TG: variants seen among roughly 807,000 people sequenced by gnomAD.
The protein encoded by TG is thyroid hormones.
In TG, 270 loss-of-function variants were observed where a neutral mutation model predicts 324.7. The ratio of observed to expected loss-of-function variants is 0.83; its 90% CI spans 0.75 to 0.92. The LOEUF is 0.92. TG is among the 40% of genes least tolerant of loss of function. The pLI is 0.00. For missense variants in TG, 3,591 were observed against 3,456.4 expected, an observed-to-expected ratio of 1.04 and a Z score of -0.98; for synonymous variants, 1,401 against 1,327.0, an observed-to-expected ratio of 1.06 and a Z score of -1.21.
rs1380031461 is a variant in TG at position 132,900,255 on chromosome 8, C to T, written c.3349C>T (p.Leu1117=). ...GTCTCAGACAGGAGAGTATGCCAGGCTGCAGGCATCGGGGGCTGGCACCTG... is the reference window on the plus strand; with the variant it reads ...GTCTCAGACAGGAGAGTATGCCAGGTTGCAGGCATCGGGGGCTGGCACCTG... ...ACLETGEYAR[L]QASGAGTWCV... Residue 1117 remains leucine (L), a synonymous_variant, in exon 15 of 48, where the codon CTG becomes TTG. Coordinates refer to ENST00000220616, the MANE Select transcript of TG (RefSeq NM_003235.5). The T allele has an allele frequency of 3.1e-6, 5 of 1,614,026 alleles. No homozygotes were observed. Among genetic ancestry groups the T allele is most frequent in the Non-Finnish European group, 4.2e-6 (5 of 1,179,994 alleles).
chr8:132,919,152 C>G (rs1820780043), intron 20 of TG, among the ~76,000 whole-genome samples: 1 of 152,218 alleles, frequency 6.6e-6, no homozygotes, highest in East Asian at 1.9e-4. Context: ...CCTCTCATCT[C>G]CTACAAGCAT....
chr8:133,028,169 G>T lies in TG; in HGVS notation c.7037-1652G>T, dbSNP rs139652590. On this transcript the variant is annotated intron_variant, in intron 40 of 47. Coordinates refer to ENST00000220616, the MANE Select transcript of TG (RefSeq NM_003235.5). The stretch of plus-strand genomic sequence containing the variant: ...ACATTTCCTCTCCTCCTTGTCCCTG[G>T]TATACAGGCTGTGGACGTCACTTTT... 3.7e-3 allele frequency among the ~76,000 whole-genome samples: 557 copies of T among 152,320 alleles called. 7 individuals are homozygous for T. Among genetic ancestry groups the T allele is most frequent in the African/African-American group, 0.013 (532 of 41,566 alleles).
intron 41 of TG, among the ~76,000 whole-genome samples, chr8:133,064,331 C>T (rs1842784051): frequency 6.6e-6 from 1 of 152,238 alleles, no homozygotes; most frequent in Non-Finnish European, 1.5e-5. Context: ...GACAGAATCC[C>T]AATCTTGCCT....
chr8:132,876,906 C>T (rs1393804167), intron 5 of TG, among the ~76,000 whole-genome samples: 1 of 152,210 alleles, frequency 6.6e-6, no homozygotes, highest in African/African-American at 2.4e-5. Flanking sequence ...AACTTCTTAG[C>T]AACCAGTCTA....
At chr8:132,923,263 C>T in intron 21 of TG, 75 bp from the exon 22 acceptor site, 1 of 1,542,208 alleles carries the variant, frequency 6.5e-7, no homozygotes, top group South Asian at 1.1e-5. Flanking sequence ...TTGTCAATGA[C>T]CGAGAGCCTG....
At chr8:132,885,026 C>T (rs1366215457) in intron 8 of TG, among the ~76,000 whole-genome samples, 2 of 152,124 alleles carry the variant, frequency 1.3e-5, no homozygotes, top group Non-Finnish European at 2.9e-5. Context: ...CCCCTCCCAC[C>T]ACATTTTCCA....
At chr8:132,989,206 C>T (rs34713535) in intron 35 of TG, among the ~76,000 whole-genome samples, 57,855 of 152,108 alleles carry the variant, frequency 0.38, 12,010 homozygotes, top group African/African-American at 0.55. Context: ...TCCCACAACA[C>T]GTGGGAATTA....
rs1020441267 is a variant in TG, at chr8:132,962,992, A to G, written c.5468-2A>G. The stretch of plus-strand genomic sequence containing the variant: ...TGCAACAACTCTTTTTTTTCCTCCT[A>G]GATTCTGACATGGGGTCTCGGCCTG... On this transcript the variant is annotated splice_acceptor_variant, in intron 28 of 47. Transcript: ENST00000220616. LOFTEE classifies it high-confidence loss of function. The G allele has an allele frequency of 2.5e-6, 4 of 1,613,714 alleles. No homozygotes were observed. The highest frequency in any genetic ancestry group is 2.2e-5 in the South Asian group (2 of 91,074).
At chr8:132,992,312 T>C (rs1832442508) in intron 35 of TG, among the ~76,000 whole-genome samples, 1 of 152,170 alleles carries the variant, frequency 6.6e-6, no homozygotes, top group Non-Finnish European at 1.5e-5. Context: ...TTAAACAATT[T>C]TGGAGTCAGT....
At chr8:132,991,500 CTAAA>C (rs1376017740) in intron 35 of TG, among the ~76,000 whole-genome samples, 2 of 152,226 alleles carry the variant, frequency 1.3e-5, no homozygotes, top group East Asian at 1.9e-4. Context: ...AATGTCCTGT[CTAAA>C]TACGCACAGA....
Position 132,972,633 on chromosome 8 carries a change from G to A in TG, c.6091G>A (p.Gly2031Arg). The change falls in exon 34 of 48, where the codon GGA (glycine) becomes AGA (arginine). Residue 2031 changes from glycine (G) to arginine (R), a missense_variant. Coordinates refer to ENST00000220616, the MANE Select transcript of TG (RefSeq NM_003235.5). ...GACATGTCTCACTCTGAACAGCTTG[G>A]GAATTCAGATGTGCAGTGAGGAGAA... ...EVTCLTLNSLGIQMCSEENGG... is the reference protein window; with the variant it reads ...EVTCLTLNSLRIQMCSEENGG... 1.2e-6 allele frequency: 2 copies of A among 1,610,908 alleles called. No individual in the cohort carries two copies. Among genetic ancestry groups the A allele is most frequent in the Non-Finnish European group, 1.7e-6 (2 of 1,179,282 alleles).
chr8:132,938,595 T>C (rs953368049), intron 25 of TG, among the ~76,000 whole-genome samples: 4 of 152,066 alleles, frequency 2.6e-5, no homozygotes, highest in Non-Finnish European at 4.4e-5. Context: ...ACAGAATCAC[T>C]GATAGGGGAA....
rs1281905513 is a variant in TG, at chr8:132,887,469, C to T, written c.2097C>T (p.Phe699=). 1.9e-6 allele frequency: 3 copies of T among 1,614,076 alleles called. No individual in the cohort carries two copies. Among genetic ancestry groups the T allele is most frequent in the East Asian group, 2.2e-5 (1 of 44,892 alleles). Residue 699 remains phenylalanine, a synonymous_variant, in exon 9 of 48, where the codon TTC becomes TTT. Transcript: ENST00000220616. ...GACATTTCCTGCCTGTCCAGTGCTT[C>T]AACTCAGAGTGCTACTGTGTTGATG... The part of the protein sequence containing the change: ...SEGHFLPVQC[F]NSECYCVDAE...
At chr8:133,055,064 G>A (rs965198072) in intron 41 of TG, among the ~76,000 whole-genome samples, 3 of 152,162 alleles carry the variant, frequency 2.0e-5, no homozygotes, top group Non-Finnish European at 4.4e-5. Flanking sequence ...AGGGGAAAGT[G>A]TGAAGATTTC....
chr8:132,994,813 G>C, intron 35 of TG: 1 of 1,286,772 alleles, frequency 7.8e-7, no homozygotes, highest in Non-Finnish European at 1.0e-6. Flanking sequence ...AGGTGAGATG[G>C]GGAAAGAGGA....
intron 35 of TG, among the ~76,000 whole-genome samples, chr8:132,984,990 G>A (rs1249616632): frequency 6.7e-6 from 1 of 150,272 alleles, no homozygotes; most frequent in Non-Finnish European, 1.5e-5. Context: ...TGTCATCTCT[G>A]CTCATCTGCC....
At position 132,941,497 on chromosome 8, in the gene TG, C is replaced by A. The variant is rs200793895; in HGVS notation, c.5188C>A (p.Arg1730Ser). The A allele has an allele frequency of 1.2e-5, 20 of 1,614,042 alleles. No homozygotes were observed. The highest frequency in any genetic ancestry group is 1.7e-5 in the Non-Finnish European group (20 of 1,180,030). ...CCTCTTCTGTCTTCTTGCATGCGACCGTGATCTGTGTTGCGATGGCTTCGT... is the reference window on the plus strand; with the variant it reads ...CCTCTTCTGTCTTCTTGCATGCGACAGTGATCTGTGTTGCGATGGCTTCGT... ...AHLFCLLACD[R>S]DLCCDGFVLT... Residue 1730 changes from arginine to serine, a missense_variant, in exon 26 of 48, where the codon CGT becomes AGT. By Grantham distance (110) the Arg-to-Ser change is moderately radical. Coordinates refer to ENST00000220616, the MANE Select transcript of TG (RefSeq NM_003235.5).
chr8:132,911,335 C>A (rs747634623), intron 18 of TG, 42 bp from the exon 19 acceptor site: 21 of 1,614,022 alleles, frequency 1.3e-5, no homozygotes, highest in Non-Finnish European at 8.5e-7. Flanking sequence ...AACTAGCTTT[C>A]TACTCTGTGT....
At chr8:132,945,477 TA>T (rs1389710093) in intron 26 of TG, among the ~76,000 whole-genome samples, 2 of 152,166 alleles carry the variant, frequency 1.3e-5, no homozygotes, top group Non-Finnish European at 2.9e-5. Flanking sequence ...TGGGGTATAC[TA>T]AGTTTGAAGT....
Sources: gnomAD v4.1 joint callset for allele counts (sites outside exome capture counted in the v4.1 genomes callset) on GRCh38, gnomAD v4.1.1 for gene constraint, MANE v1.5 for transcripts, NCBI Gene and HGNC (gene_info 2026-07-23, HGNC 2026-07-21) for gene names.